The following MGAT5 variants were observed in gnomAD, a reference collection of about 807,000 sequenced individuals.
The protein encoded by MGAT5 is alpha-1,6-mannosylglycoprotein 6-beta-N-acetylglucosaminyltransferase A.
Under a neutral mutation model 94.3 loss-of-function variants are expected in MGAT5, and 30 were observed. The observed-to-expected ratio is 0.32, with a 90% confidence interval of 0.24 to 0.43. MGAT5 has a LOEUF of 0.43. Among genes scored for constraint, MGAT5 ranks in the 20% least tolerant of loss-of-function variants. The pLI is 1.00. For missense variants in MGAT5, 691 were observed against 905.5 expected, an observed-to-expected ratio of 0.76 and a Z score of 3.04; for synonymous variants, 310 against 322.9, an observed-to-expected ratio of 0.96 and a Z score of 0.43.
chr2:134,135,739 A>ATAG (rs563484019), intron 1 of MGAT5, among the ~76,000 whole-genome samples: 2 of 149,488 alleles, frequency 1.3e-5, no homozygotes, highest in South Asian at 4.3e-4. Context: ...CATGTGGGGT[A>ATAG]TAGCAGAAAT....
intron 2 of MGAT5, among the ~76,000 whole-genome samples, chr2:134,314,240 G>A (rs1006644810): frequency 2.6e-5 from 4 of 152,188 alleles, no homozygotes; most frequent in Non-Finnish European, 5.9e-5. Flanking sequence ...GCCTCTGGAA[G>A]CCCCTTATCT....
intron 5 of MGAT5, among the ~76,000 whole-genome samples, chr2:134,337,765 T>C (rs936418419): frequency 6.6e-6 from 1 of 152,304 alleles, no homozygotes; most frequent in Admixed American, 6.5e-5. Flanking sequence ...AATTTTTGTT[T>C]GGACTGGGAC....
intron 1 of MGAT5, among the ~76,000 whole-genome samples, chr2:134,237,123 A>ATGTGTATGTATGTATGTGTGTGTG (rs367744090): frequency 7.1e-6 from 1 of 140,626 alleles, no homozygotes; most frequent in African/African-American, 2.6e-5. Context: ...GAAGGAGTAT[A>ATGTGTATGTATGTATGTGTGTGTG]TGTGTGTGTG....
At chr2:134,321,836 C>G (rs1214031285) in intron 4 of MGAT5, among the ~76,000 whole-genome samples, 4 of 152,148 alleles carry the variant, frequency 2.6e-5, no homozygotes, top group Non-Finnish European at 4.4e-5. Flanking sequence ...AGAAAGGATG[C>G]AGGTAACTGA....
rs1487583434 is a variant in MGAT5, at chr2:134,338,243, A to C, written c.646-16A>C. On this transcript the variant is annotated splice_polypyrimidine_tract_variant and intron_variant, in intron 5 of 15. Transcript: ENST00000281923. ...CTTTTTATCTTCTATTCATTTTATT[A>C]AATTTCTGTTGCTAGGCGGAAATTC... 9.6e-6 allele frequency: 15 copies of C among 1,566,296 alleles called. No individual in the cohort carries two copies. The highest frequency in any genetic ancestry group is 1.3e-5 in the Non-Finnish European group (15 of 1,153,958).
intron 15 of MGAT5, 109 bp downstream of exon 15, chr2:134,442,024 G>A: frequency 7.8e-7 from 1 of 1,276,236 alleles, no homozygotes; most frequent in Admixed American, 2.0e-5. Flanking sequence ...CTGGGCTGTG[G>A]GGATAAGGTG....
At chr2:134,255,526 CAT>C (rs549259010) in intron 1 of MGAT5, among the ~76,000 whole-genome samples, 2 of 150,142 alleles carry the variant, frequency 1.3e-5, no homozygotes, top group African/African-American at 4.9e-5. Context: ...TATACACACA[CAT>C]ATATATATAC....
intron 1 of MGAT5, among the ~76,000 whole-genome samples, chr2:134,178,802 C>T (rs1688597858): frequency 6.6e-6 from 1 of 152,166 alleles, no homozygotes; most frequent in Non-Finnish European, 1.5e-5. Context: ...TTCTGTCATG[C>T]TCTTTACACT....
intron 1 of MGAT5, among the ~76,000 whole-genome samples, chr2:134,144,525 A>G (rs1686816555): frequency 6.6e-6 from 1 of 152,226 alleles, no homozygotes; most frequent in African/African-American, 2.4e-5. Context: ...TTACAATTCT[A>G]CATGAGATTC....
chr2:134,223,484 T>G (rs2321731), intron 1 of MGAT5, among the ~76,000 whole-genome samples: 1,864 of 152,244 alleles, frequency 0.012, 35 homozygotes, highest in African/African-American at 0.043. Context: ...AAGAGTAATT[T>G]GTATGTTAGA....
At chr2:134,406,953 G>A (rs1574033537) in intron 11 of MGAT5, among the ~76,000 whole-genome samples, 1 of 152,240 alleles carries the variant, frequency 6.6e-6, no homozygotes, top group Admixed American at 6.5e-5. Flanking sequence ...GCTGCATGAG[G>A]GCAGAGGGCC....
chr2:134,255,621 T>G lies in MGAT5; in HGVS notation c.241+977T>G, dbSNP rs370516354. On this transcript the variant is annotated intron_variant, in intron 1 of 15. Transcript: ENST00000281923. ...TGTGTTTTGCAGAGCAGACTTGGTC[T>G]GTAGAAGATGACCTGTTGTTGAGTG... Among the ~76,000 whole-genome samples the G allele has an allele frequency of 1.6e-3, 238 of 152,278 alleles. 1 individual carries two copies. Among genetic ancestry groups the G allele is most frequent in the African/African-American group, 5.6e-3 (233 of 41,542 alleles).
chr2:134,193,880 T>C (rs1679367040), intron 1 of MGAT5, among the ~76,000 whole-genome samples: 1 of 152,204 alleles, frequency 6.6e-6, no homozygotes, highest in South Asian at 2.1e-4. Flanking sequence ...AAGACATTTA[T>C]GTCCTTGTAC....
intron 2 of MGAT5, among the ~76,000 whole-genome samples, chr2:134,271,638 C>T (rs564132765): frequency 3.9e-5 from 6 of 152,274 alleles, no homozygotes; most frequent in African/African-American, 1.4e-4. Context: ...GTTGTTATTA[C>T]CTTTTTTAAT....
intron 11 of MGAT5, among the ~76,000 whole-genome samples, chr2:134,404,660 A>T (rs1683237578): frequency 6.6e-6 from 1 of 152,202 alleles, no homozygotes; most frequent in Non-Finnish European, 1.5e-5. Flanking sequence ...CCATCTGTAA[A>T]TGCATTTGAT....
intron 1 of MGAT5, among the ~76,000 whole-genome samples, chr2:134,259,578 G>A: frequency 6.6e-6 from 1 of 152,140 alleles, no homozygotes; most frequent in Non-Finnish European, 1.5e-5. Context: ...GCAGCTGTGG[G>A]CTCCCAGCTT....
intron 1 of MGAT5, among the ~76,000 whole-genome samples, chr2:134,140,811 G>C (rs1156564936): frequency 6.6e-6 from 1 of 152,230 alleles, no homozygotes; most frequent in East Asian, 1.9e-4. Flanking sequence ...TGATTAGAGA[G>C]AGGAGGAAAC....
At chr2:134,293,721 C>T (rs62167969) in intron 2 of MGAT5, among the ~76,000 whole-genome samples, 1 of 152,222 alleles carries the variant, frequency 6.6e-6, no homozygotes, top group Non-Finnish European at 1.5e-5. Context: ...CTACCTGTCT[C>T]GGCCTCCGAA....
chr2:134,313,436 G>T (rs553252057), intron 2 of MGAT5, among the ~76,000 whole-genome samples: 15 of 152,304 alleles, frequency 9.8e-5, no homozygotes, highest in South Asian at 2.1e-4. Flanking sequence ...TGTGTAATCT[G>T]CCTTCTGTGT....
Sources: allele counts gnomAD v4.1 joint callset (sites outside exome capture counted in the v4.1 genomes callset), GRCh38; gene constraint gnomAD v4.1.1; transcripts MANE v1.5; gene names NCBI Gene and HGNC (gene_info 2026-07-23, HGNC 2026-07-21).